The following RYR2 variants were observed in gnomAD, a reference collection of about 807,000 sequenced individuals.
The protein encoded by RYR2 is ryanodine receptor 2.
A neutral mutation model predicts 601.1 loss-of-function variants in RYR2; 227 were observed. The observed-to-expected ratio is 0.38, with a 90% CI of 0.34 to 0.42. The LOEUF (loss-of-function observed/expected upper bound fraction) is 0.42. Among genes scored for constraint, RYR2 ranks in the 10% least tolerant of loss-of-function variants. The pLI, the probability that RYR2 is intolerant of heterozygous loss-of-function variation, is 1.00. For synonymous variants in RYR2, 2,223 were observed against 2,175.1 expected (o/e 1.02, Z -0.61); for missense variants, 4,646 against 6,156.5 (o/e 0.75, Z 8.21).
intron 19 of RYR2, among the ~76,000 whole-genome samples, chr1:237,493,461 C>A (rs1663639960): frequency 6.6e-6 from 1 of 151,032 alleles, no homozygotes. Context: ...TTGTTTTTTT[C>A]TTTTTTTTTA....
In RYR2 at chr1:237,548,550, G is replaced by A. The variant is rs754812132; in HGVS notation, c.3026G>A (p.Arg1009Gln). Reference protein sequence around the residue: ...LAENAHNVWARDRIRQGWTYG... With the variant: ...LAENAHNVWAQDRIRQGWTYG... ...GAAAATGCACATAATGTGTGGGCGC[G>A]GGATCGAATCCGGCAGGGCTGGACT... The change falls in exon 26 of 105, where the codon CGG (arginine) becomes CAG (glutamine). Residue 1009 changes from arginine (R) to glutamine (Q), a missense_variant. Physicochemically the swap from Arg to Gln is conservative, Grantham distance 43 (BLOSUM62 1). Coordinates refer to ENST00000366574, the MANE Select transcript of RYR2 (RefSeq NM_001035.3). 2.2e-5 allele frequency: 35 copies of A among 1,613,850 alleles called. No homozygotes were observed. The highest frequency in any genetic ancestry group is 3.3e-4 in the Middle Eastern group (2 of 6,084).
At chr1:237,541,133 A>G (rs1203322409) in intron 25 of RYR2, among the ~76,000 whole-genome samples, 2 of 152,214 alleles carry the variant, frequency 1.3e-5, no homozygotes, top group Non-Finnish European at 2.9e-5. Flanking sequence ...TTATGAAGAA[A>G]AGAAAAACCC....
chr1:237,299,446 G>A (rs1218554230), intron 2 of RYR2, among the ~76,000 whole-genome samples: 1 of 152,078 alleles, frequency 6.6e-6, no homozygotes, highest in African/African-American at 2.4e-5. Flanking sequence ...TTATAAGGTG[G>A]GGCCTTTGAA....
At chr1:237,124,249 T>C (rs1671153774) in intron 1 of RYR2, among the ~76,000 whole-genome samples, 2 of 152,152 alleles carry the variant, frequency 1.3e-5, no homozygotes, top group Non-Finnish European at 2.9e-5. Context: ...AGACTCTTAG[T>C]GTAGGAAGGA....
At chr1:237,718,135 G>C (rs951897871) in intron 72 of RYR2, among the ~76,000 whole-genome samples, 1 of 152,084 alleles carries the variant, frequency 6.6e-6, no homozygotes, top group Non-Finnish European at 1.5e-5. Flanking sequence ...AAATGACTTC[G>C]TGGAGATTTG....
chr1:237,229,041 G>A (rs1417468641), intron 1 of RYR2, among the ~76,000 whole-genome samples: 5 of 152,168 alleles, frequency 3.3e-5, no homozygotes, highest in African/African-American at 4.8e-5. Context: ...TGTGGAAGCT[G>A]AGGCCTGTGG....
At chr1:237,764,292 A>T (rs1242666124) in intron 84 of RYR2, among the ~76,000 whole-genome samples, 2 of 151,970 alleles carry the variant, frequency 1.3e-5, no homozygotes, top group African/African-American at 4.8e-5. Flanking sequence ...AAATGCAGGC[A>T]TTCTGCCTCC....
chr1:237,600,789 A>C (rs1016052808), intron 34 of RYR2, among the ~76,000 whole-genome samples: 37 of 152,226 alleles, frequency 2.4e-4, no homozygotes, highest in Non-Finnish European at 2.9e-4. Context: ...AAAAGACCTT[A>C]ATAAACATTT....
At chr1:237,233,453 C>T (rs1014859386) in intron 1 of RYR2, among the ~76,000 whole-genome samples, 4 of 151,176 alleles carry the variant, frequency 2.6e-5, no homozygotes, top group African/African-American at 9.7e-5. Flanking sequence ...AGGTGGATAG[C>T]TTTTTTTTTC....
chr1:237,804,231 C>G (rs1044708299), intron 98 of RYR2, among the ~76,000 whole-genome samples: 3 of 151,782 alleles, frequency 2.0e-5, no homozygotes, highest in Admixed American at 1.3e-4. Flanking sequence ...CACTGCCACA[C>G]TTTTCCAACT....
chr1:237,277,180 A>C (rs1690374108), intron 2 of RYR2, among the ~76,000 whole-genome samples: 1 of 152,242 alleles, frequency 6.6e-6, no homozygotes, highest in Admixed American at 6.5e-5. Context: ...GAACTTACTC[A>C]TAGGGAAAAG....
chr1:237,671,519 G>T (rs1216535646), intron 58 of RYR2, among the ~76,000 whole-genome samples: 1 of 150,812 alleles, frequency 6.6e-6, no homozygotes, highest in Admixed American at 6.6e-5. Context: ...GTGTGTGTGT[G>T]CGTGTGTGTG....
At chr1:237,608,801 T>G (rs931336715) in intron 35 of RYR2, among the ~76,000 whole-genome samples, 1 of 122,876 alleles carries the variant, frequency 8.1e-6, no homozygotes, top group East Asian at 2.1e-4. Context: ...GACCTGTTTT[T>G]TTTTTTTTTT....
intron 95 of RYR2, 51 bp from the exon 96 acceptor site, chr1:237,795,238 A>G (rs1658959827): frequency 9.3e-6 from 8 of 857,428 alleles, no homozygotes; most frequent in Non-Finnish European, 1.4e-5. Flanking sequence ...ATATGTTATT[A>G]TTTGTCATTA....
intron 79 of RYR2, among the ~76,000 whole-genome samples, chr1:237,740,596 A>G (rs1691524244): frequency 6.6e-6 from 1 of 152,158 alleles, no homozygotes; most frequent in African/African-American, 2.4e-5. Flanking sequence ...GTCTGAATGT[A>G]TTCTTTATCT....
chr1:237,571,034 G>A (rs1403265839), intron 29 of RYR2, among the ~76,000 whole-genome samples: 2 of 152,084 alleles, frequency 1.3e-5, no homozygotes, highest in African/African-American at 4.8e-5. Context: ...GGCTGAGGTG[G>A]GAGGATCACT....
At chr1:237,501,800 C>A (rs1664668021) in intron 21 of RYR2, among the ~76,000 whole-genome samples, 2 of 152,082 alleles carry the variant, frequency 1.3e-5, no homozygotes, top group Admixed American at 1.3e-4. Flanking sequence ...CCTCACTTTT[C>A]TTTGCTTTTC....
At chr1:237,657,707 TTGTTA>T (rs1309412586) in intron 53 of RYR2, among the ~76,000 whole-genome samples, 2 of 151,672 alleles carry the variant, frequency 1.3e-5, no homozygotes, top group Non-Finnish European at 2.9e-5. Flanking sequence ...AATATGTAAT[TTGTTA>T]TGTTAGCACA....
intron 1 of RYR2, among the ~76,000 whole-genome samples, chr1:237,241,829 G>C (rs1686201204): frequency 6.6e-6 from 1 of 152,148 alleles, no homozygotes; most frequent in Admixed American, 6.6e-5. Context: ...GGTGCTGGTG[G>C]GAGTGCCTTT....
Sources: allele counts gnomAD v4.1 joint callset (sites outside exome capture counted in the v4.1 genomes callset), GRCh38; gene constraint gnomAD v4.1.1; transcripts MANE v1.5; gene names NCBI Gene and HGNC (gene_info 2026-07-23, HGNC 2026-07-21).